VPS50: variants seen among roughly 807,000 people sequenced by gnomAD.
VPS50 encodes syndetin.
A neutral mutation model predicts 139.7 loss-of-function variants in VPS50; 70 were observed. The ratio of observed to expected loss-of-function variants is 0.50; its 90% CI spans 0.41 to 0.61. VPS50 has a LOEUF of 0.61. VPS50 is among the 20% of genes least tolerant of loss of function. The pLI is 0.00. For synonymous variants in VPS50, 365 were observed against 376.7 expected, an observed-to-expected ratio of 0.97 and a Z score of 0.36; for missense variants, 921 against 1,133.7, an observed-to-expected ratio of 0.81 and a Z score of 2.69.
At chr7:93,274,805 T>C (rs1318976466) in intron 11 of VPS50, among the ~76,000 whole-genome samples, 1 of 152,162 alleles carries the variant, frequency 6.6e-6, no homozygotes, top group Non-Finnish European at 1.5e-5. Flanking sequence ...ATTTACCATA[T>C]GCCATTAAGA....
At chr7:93,356,173 G>A in intron 27 of VPS50, 93 bp downstream of exon 27, 1 of 603,236 alleles carries the variant, frequency 1.7e-6, no homozygotes, top group East Asian at 3.0e-5. Flanking sequence ...TCATGAGAGT[G>A]AAATATAAAG....
intron 12 of VPS50, among the ~76,000 whole-genome samples, chr7:93,285,538 T>C (rs912989694): frequency 1.3e-5 from 2 of 152,226 alleles, no homozygotes; most frequent in Admixed American, 6.5e-5. Context: ...TATTGTGTGC[T>C]TCAAACTTAT....
chr7:93,257,829 T>C (rs1353774506), intron 6 of VPS50: 9 of 243,580 alleles, frequency 3.7e-5, no homozygotes, highest in Non-Finnish European at 6.9e-5. Context: ...AGGAAAGACA[T>C]AATACAGTCT....
At chr7:93,333,579 A>G (rs566207196) in intron 21 of VPS50, among the ~76,000 whole-genome samples, 2 of 152,144 alleles carry the variant, frequency 1.3e-5, no homozygotes, top group African/African-American at 2.4e-5. Flanking sequence ...TCTTGTGTGA[A>G]GGTTTTTATA....
Position 93,259,606 on chromosome 7 carries a change from C to A in VPS50, c.633C>A (p.Ser211Arg). The change falls in exon 9 of 28, where the codon AGC becomes AGA. Residue 211 changes from serine to arginine, a missense_variant. This residue lies in a region of VPS50 where 744 missense variants were observed against 930.6 expected (regional missense o/e 0.80). Transcript: ENST00000305866. ...QLCLECQKAA[S>R]TFKHYSCISE... ...GCCTTGAATGTCAAAAAGCTGCCAG[C>A]ACTTTTAAACATTACAGTTGTATAA... 1 of 1,592,040 alleles carries A rather than the reference C, an allele frequency of 6.3e-7. No homozygotes were observed. Among genetic ancestry groups the A allele is most frequent in the Non-Finnish European group, 8.6e-7 (1 of 1,160,492 alleles).
intron 19 of VPS50, 37 bp from the exon 20 acceptor site, chr7:93,311,129 C>T (rs1305171490): frequency 8.1e-6 from 7 of 867,786 alleles, no homozygotes; most frequent in Non-Finnish European, 1.2e-5. Context: ...TATTACTTGA[C>T]AACTCTAGCA....
intron 27 of VPS50, among the ~76,000 whole-genome samples, chr7:93,356,531 A>G (rs1346549834): frequency 1.3e-5 from 2 of 152,210 alleles, no homozygotes; most frequent in Non-Finnish European, 2.9e-5. Context: ...ACTGACACGT[A>G]TTAGTGATGA....
chr7:93,280,237 A>AGAT (rs1359898461), intron 12 of VPS50, among the ~76,000 whole-genome samples: 19 of 152,162 alleles, frequency 1.2e-4, no homozygotes, highest in Admixed American at 6.5e-4. Flanking sequence ...TGGTTTAATT[A>AGAT]GATGCATAGT....
intron 9 of VPS50, 53 bp from the exon 10 acceptor site, chr7:93,271,167 G>A: frequency 6.5e-7 from 1 of 1,537,818 alleles, no homozygotes; most frequent in Non-Finnish European, 8.7e-7. Flanking sequence ...TATTTATTTA[G>A]CACTTAGTTT....
At chr7:93,258,519 A>G (rs1416283510) in intron 8 of VPS50, 127 bp downstream of exon 8, 1 of 706,148 alleles carries the variant, frequency 1.4e-6, no homozygotes, top group Non-Finnish European at 2.4e-6. Flanking sequence ...GACATGTAAG[A>G]TTTTTAGACG....
At chr7:93,327,265 T>C (rs1562889084) in intron 21 of VPS50, among the ~76,000 whole-genome samples, 1 of 152,208 alleles carries the variant, frequency 6.6e-6, no homozygotes, top group South Asian at 2.1e-4. Flanking sequence ...GTATTCTTAA[T>C]TGTATCCAAT....
At chr7:93,269,080 C>G (rs761861226) in intron 9 of VPS50, among the ~76,000 whole-genome samples, 20 of 152,066 alleles carry the variant, frequency 1.3e-4, no homozygotes, top group Non-Finnish European at 2.1e-4. Flanking sequence ...GGAGAAGGAA[C>G]AGCTCTGAGG....
chr7:93,234,346 TAGTC>T (rs944612591), intron 1 of VPS50, among the ~76,000 whole-genome samples: 4 of 152,220 alleles, frequency 2.6e-5, no homozygotes, highest in Non-Finnish European at 5.9e-5. Flanking sequence ...ACTTAAGCCT[TAGTC>T]AGTTGCTTAT....
chr7:93,319,052 G>T (rs1459623933), intron 20 of VPS50, among the ~76,000 whole-genome samples: 4 of 152,148 alleles, frequency 2.6e-5, no homozygotes, highest in Non-Finnish European at 5.9e-5. Flanking sequence ...TGGGTCAGAG[G>T]CCAAGAACAT....
chr7:93,304,294 TTTC>T (rs1404290356), intron 17 of VPS50, among the ~76,000 whole-genome samples: 2 of 151,790 alleles, frequency 1.3e-5, no homozygotes, highest in Non-Finnish European at 3.0e-5. Flanking sequence ...AGAAAGCAAT[TTTC>T]TTATTCTGGA....
chr7:93,335,012 C>T (rs1798033816), intron 22 of VPS50, among the ~76,000 whole-genome samples: 1 of 152,208 alleles, frequency 6.6e-6, no homozygotes, highest in Non-Finnish European at 1.5e-5. Flanking sequence ...GTGCTTACCT[C>T]TGTTATTGAA....
At chr7:93,357,246 C>G (rs117188698) in intron 27 of VPS50, among the ~76,000 whole-genome samples, 1 of 152,116 alleles carries the variant, frequency 6.6e-6, no homozygotes, top group South Asian at 2.1e-4. Flanking sequence ...CAGCTCTATT[C>G]GATGCAAGAA....
intron 14 of VPS50, among the ~76,000 whole-genome samples, chr7:93,295,953 T>C (rs116964381): frequency 0.042 from 6,339 of 152,254 alleles, 171 homozygotes; most frequent in African/African-American, 0.065. Context: ...CTTGAACTCC[T>C]GGGCCCAAGT....
intron 12 of VPS50, among the ~76,000 whole-genome samples, chr7:93,278,418 C>T (rs1796222798): frequency 6.7e-6 from 1 of 150,364 alleles, no homozygotes; most frequent in African/African-American, 2.5e-5. Flanking sequence ...CAAAACCCTG[C>T]CTCTACTAAA....
Sources: gnomAD v4.1 joint callset for allele counts (sites outside exome capture counted in the v4.1 genomes callset) on GRCh38, gnomAD v4.1.1 for gene constraint, gnomAD v4.1.1 regional missense constraint, MANE v1.5 for transcripts, NCBI Gene and HGNC (gene_info 2026-07-23, HGNC 2026-07-21) for gene names.